PRDM5: variants seen among roughly 807,000 people sequenced by gnomAD.
The protein encoded by PRDM5 is PR/SET domain 5, also known as PR domain zinc finger protein 5.
In PRDM5, 56 loss-of-function variants were observed where a neutral mutation model predicts 81.2. The observed-to-expected ratio is 0.69, with a 90% CI of 0.56 to 0.86. The LOEUF is 0.86. Ranked by LOEUF, PRDM5 falls within the 40% of genes least tolerant of loss-of-function variation. The pLI, the probability that PRDM5 is intolerant of heterozygous loss-of-function variation, is 0.00. For missense variants in PRDM5, 697 were observed against 770.1 expected (o/e 0.91, Z 1.12); for synonymous variants, 267 against 256.4 (o/e 1.04, Z -0.39).
At chr4:120,727,236 T>C (rs1324157024) in intron 14 of PRDM5, among the ~76,000 whole-genome samples, 1 of 152,106 alleles carries the variant, frequency 6.6e-6, no homozygotes, top group Non-Finnish European at 1.5e-5. Flanking sequence ...AGTACATTCA[T>C]TCACCGAATA....
chr4:120,827,618 C>T (rs946277243), intron 3 of PRDM5, among the ~76,000 whole-genome samples: 2 of 152,092 alleles, frequency 1.3e-5, no homozygotes, highest in Non-Finnish European at 2.9e-5. Flanking sequence ...AAACTACTAT[C>T]ATCAGTATCT....
chr4:120,860,675 A>G (rs1043732604), intron 2 of PRDM5, among the ~76,000 whole-genome samples: 1 of 150,734 alleles, frequency 6.6e-6, no homozygotes, highest in Non-Finnish European at 1.5e-5. Context: ...CCATTGTTTT[A>G]GGGGTTTTCT....
intron 14 of PRDM5, among the ~76,000 whole-genome samples, chr4:120,743,060 A>C (rs1742335813): frequency 6.6e-6 from 1 of 151,928 alleles, no homozygotes; most frequent in South Asian, 2.1e-4. Context: ...AGGGAAGCCC[A>C]TCAGACTAAT....
intron 2 of PRDM5, among the ~76,000 whole-genome samples, chr4:120,887,670 A>G (rs561667376): frequency 2.6e-5 from 4 of 152,288 alleles, no homozygotes; most frequent in African/African-American, 9.6e-5. Context: ...CATCTCTGCT[A>G]CAATCTGGTT....
At chr4:120,818,743 T>C (rs747738300) in intron 4 of PRDM5, among the ~76,000 whole-genome samples, 58 of 152,214 alleles carry the variant, frequency 3.8e-4, no homozygotes, top group Non-Finnish European at 7.2e-4. Flanking sequence ...ATCACTTGTA[T>C]TTCACCAAAT....
chr4:120,792,121 C>T (rs1453902678), intron 10 of PRDM5, among the ~76,000 whole-genome samples: 3 of 152,122 alleles, frequency 2.0e-5, no homozygotes, highest in East Asian at 1.9e-4. Context: ...AAACTGTGAC[C>T]GAAAGTATGT....
chr4:120,811,531 A>C lies in PRDM5; in HGVS notation c.866-82T>G. The C allele has an allele frequency of 3.7e-6, 3 of 818,722 alleles. No homozygotes were observed. The South Asian group carries it at 4.9e-5, about 13-fold the overall frequency. 50.7% of individuals were successfully genotyped at this position (818,722 alleles called of 1,614,324 possible). A position where few individuals can be genotyped will look rare whatever the true frequency, so the allele number is the denominator to read the frequency against. On this transcript the variant is annotated intron_variant, in intron 7 of 15. Transcript: ENST00000264808. Reference sequence around the variant, plus strand: ...AAATAGTGTTTCGAGGTGATATGTAAGTTCATCTTCATAATTTAGAATTCT... The same window carrying C: ...AAATAGTGTTTCGAGGTGATATGTACGTTCATCTTCATAATTTAGAATTCT...
rs1734401821 is a variant in PRDM5, at chr4:120,695,320, A to C, written c.1729-45T>G. 1.9e-6 allele frequency: 3 copies of C among 1,600,408 alleles called. No homozygotes were observed. The South Asian group carries it at 3.3e-5, about 18-fold the overall frequency. The stretch of plus-strand genomic sequence containing the variant: ...CAACCATATTATACTGAAATAAACA[A>C]AATTTATAAACAAAATTTAACACTC... On this transcript the variant is annotated intron_variant, in intron 15 of 15. Coordinates refer to ENST00000264808, the MANE Select transcript of PRDM5 (RefSeq NM_018699.4).
chr4:120,875,350 T>C (rs1762236783), intron 2 of PRDM5, among the ~76,000 whole-genome samples: 1 of 152,252 alleles, frequency 6.6e-6, no homozygotes, highest in Non-Finnish European at 1.5e-5. Context: ...AGGATGACTC[T>C]GAGACTGCCA....
At chr4:120,813,108 T>A (rs1000147498) in intron 7 of PRDM5, 11 of 152,982 alleles carry the variant, frequency 7.2e-5, no homozygotes, top group African/African-American at 2.7e-4. Context: ...ATTCATACTA[T>A]TACTCAAAGC....
At chr4:120,914,299 A>G (rs1723838441) in intron 1 of PRDM5, among the ~76,000 whole-genome samples, 1 of 152,184 alleles carries the variant, frequency 6.6e-6, no homozygotes, top group East Asian at 1.9e-4. Flanking sequence ...AAAAAATCTC[A>G]AGTGAAAACT....
intron 3 of PRDM5, among the ~76,000 whole-genome samples, chr4:120,851,322 A>G (rs1475452350): frequency 3.9e-5 from 6 of 152,134 alleles, no homozygotes; most frequent in African/African-American, 1.4e-4. Flanking sequence ...GGCAATTTTA[A>G]TAATAGTAAC....
At chr4:120,772,303 C>G (rs1244958979) in intron 13 of PRDM5, among the ~76,000 whole-genome samples, 1 of 152,168 alleles carries the variant, frequency 6.6e-6, no homozygotes, top group Non-Finnish European at 1.5e-5. Context: ...CTATCTTTTG[C>G]TATCTGCAGG....
At chr4:120,763,907 C>T (rs1046031554) in intron 13 of PRDM5, among the ~76,000 whole-genome samples, 1 of 150,696 alleles carries the variant, frequency 6.6e-6, no homozygotes, top group African/African-American at 2.4e-5. Context: ...TATTGTCTCT[C>T]CCATAAAACT....
intron 7 of PRDM5, chr4:120,816,057 G>T: frequency 4.4e-6 from 1 of 225,382 alleles, no homozygotes; most frequent in Non-Finnish European, 8.9e-6. Flanking sequence ...TCACAAGTTG[G>T]ATTTTTACTG....
intron 2 of PRDM5, among the ~76,000 whole-genome samples, chr4:120,859,038 G>T (rs562745695): frequency 2.6e-4 from 39 of 152,250 alleles, no homozygotes; most frequent in Non-Finnish European, 4.0e-4. Context: ...CACAGAACCT[G>T]TGAGAGCATC....
downstream of PRDM5, among the ~76,000 whole-genome samples, chr4:120,687,132 C>T (rs951677791): frequency 1.2e-4 from 18 of 152,034 alleles, no homozygotes; most frequent in South Asian, 8.3e-4. Context: ...ATTATTGTAA[C>T]CCTATCTATA....
chr4:120,907,334 C>CA lies in PRDM5; in HGVS notation c.177+139dup, dbSNP rs61156380. On this transcript the variant is annotated intron_variant, in intron 2 of 15. Transcript: ENST00000264808. ...GGGCAACAAGAGCAAATCTCCATCT[C>CA]AAAAAAAAAAAAAAAAACCTAAAAC... 87,715 of 561,258 alleles carry CA rather than the reference C, an allele frequency of 0.16. 318 individuals carry two copies. The highest frequency in any genetic ancestry group is 0.21 in the African/African-American group (7,643 of 36,148). The allele number at this position is 561,258 out of a possible 1,614,324, so 34.8% of individuals were successfully genotyped here.
chr4:120,777,931 G>C (rs879577652), intron 12 of PRDM5, among the ~76,000 whole-genome samples: 6 of 152,082 alleles, frequency 3.9e-5, no homozygotes, highest in Non-Finnish European at 1.5e-5. Flanking sequence ...AGAGTTCAAA[G>C]AGAAAGGAGT....
Sources: gnomAD v4.1 joint callset for allele counts (sites outside exome capture counted in the v4.1 genomes callset) on GRCh38, gnomAD v4.1.1 for gene constraint, MANE v1.5 for transcripts, NCBI Gene and HGNC (gene_info 2026-07-23, HGNC 2026-07-21) for gene names.